TUFT1: variants seen among roughly 807,000 people sequenced by gnomAD.
TUFT1 encodes the protein tuftelin 1.
In TUFT1, 43 loss-of-function variants were observed where a neutral mutation model predicts 57.8. The observed-to-expected ratio is 0.74, with a 90% CI of 0.58 to 0.96. TUFT1 has a LOEUF of 0.96. Among genes scored for constraint, TUFT1 ranks in the 40% least tolerant of loss-of-function variants. TUFT1 has a pLI of 0.00. For missense variants in TUFT1, 459 were observed against 489.0 expected (o/e 0.94, Z 0.58); for synonymous variants, 166 against 176.7 (o/e 0.94, Z 0.48).
intron 1 of TUFT1, chr1:151,561,467 G>GCACACACACACACACACACACACACA (rs1491439976): frequency 6.0e-6 from 1 of 165,642 alleles, no homozygotes; most frequent in Non-Finnish European, 9.1e-6. Context: ...TCATGCGCGC[G>GCACACACACACACACACACACACACA]CGCGCGCACA....
intron 9 of TUFT1, among the ~76,000 whole-genome samples, chr1:151,577,349 A>G (rs1229209642): frequency 6.6e-6 from 1 of 152,116 alleles, no homozygotes; most frequent in African/African-American, 2.4e-5. Context: ...CAACCCTTTA[A>G]TCATGCCTTG....
At position 151,569,711 on chromosome 1, in the gene TUFT1, T is replaced by G; in HGVS notation, c.535T>G (p.Leu179Val). 3 of 1,614,090 alleles carry G rather than the reference T, an allele frequency of 1.9e-6. No homozygotes were observed. The highest frequency in any genetic ancestry group is 2.5e-6 in the Non-Finnish European group (3 of 1,179,974). Residue 179 changes from leucine (L) to valine (V), a missense_variant, in exon 7 of 13, where the codon TTG becomes GTG. Leu to Val is a conservative substitution (Grantham distance 32). Coordinates refer to ENST00000368849, the MANE Select transcript of TUFT1 (RefSeq NM_020127.3). ...GAGCTTGAGGAAGACGGTGCAGGAC[T>G]TGCTGGCCAAGCTTCAGGAGGCCAA... ...VESLRKTVQD[L>V]LAKLQEAKRQ... is the part of the protein sequence containing the mutation.
intron 6 of TUFT1, among the ~76,000 whole-genome samples, chr1:151,569,085 GAGACACCTTTTTCCACATCGAATC>G (rs1666167727): frequency 6.6e-6 from 1 of 152,214 alleles, no homozygotes; most frequent in Admixed American, 6.5e-5. Context: ...TTACCTCGAT[GAGACACCTTTTTCCACATCGAATC>G]AGATTCGTGG....
intron 1 of TUFT1, among the ~76,000 whole-genome samples, chr1:151,560,956 T>TTGTG (rs68056033): frequency 0.018 from 2,372 of 132,444 alleles, 42 homozygotes; most frequent in African/African-American, 0.045. Flanking sequence ...CTGCAAAGTA[T>TTGTG]TGTGTGTGTG....
chr1:151,557,816 TA>T, intron 1 of TUFT1: 1 of 755,248 alleles, frequency 1.3e-6, no homozygotes. Flanking sequence ...CGGACAGAGA[TA>T]ACCTACAGAC....
intron 1 of TUFT1, among the ~76,000 whole-genome samples, chr1:151,561,111 A>C (rs1340924608): frequency 6.6e-6 from 1 of 151,704 alleles, no homozygotes; most frequent in Non-Finnish European, 1.5e-5. Flanking sequence ...CTGCTGCCTC[A>C]GCCTCCCGAG....
intron 9 of TUFT1, 95 bp downstream of exon 9, chr1:151,575,100 G>C (rs1325757699): frequency 9.0e-7 from 1 of 1,106,970 alleles, no homozygotes; most frequent in African/African-American, 1.6e-5. Context: ...CTGGTCTGGG[G>C]AGGAAGCTGG....
At chr1:151,564,385 TC>T in intron 4 of TUFT1, 139 bp from the exon 5 acceptor site, 1 of 636,730 alleles carries the variant, frequency 1.6e-6, no homozygotes, top group Non-Finnish European at 2.8e-6. Context: ...TTGACCAAGG[TC>T]CCTCCCTCCA....
At chr1:151,573,869 G>C (rs1263586819) in intron 7 of TUFT1, among the ~76,000 whole-genome samples, 3 of 152,216 alleles carry the variant, frequency 2.0e-5, no homozygotes, top group South Asian at 4.1e-4. Context: ...AGGTGTTGAG[G>C]AGACAGAAGA....
chr1:151,575,123 A>G, intron 9 of TUFT1, 118 bp downstream of exon 9: 1 of 894,690 alleles, frequency 1.1e-6, no homozygotes. Context: ...CTGATGTCAG[A>G]TCTTCCAGCT....
chr1:151,562,082 C>A lies in TUFT1; in HGVS notation c.61-9C>A, dbSNP rs996262578. 1.2e-6 allele frequency: 2 copies of A among 1,613,628 alleles called. No individual in the cohort carries two copies. The highest frequency in any genetic ancestry group is 1.7e-6 in the Non-Finnish European group (2 of 1,179,692). ...GAGGGGTTATTGTTGCTGTCATTGT[C>A]ATTATTAGGGCAGCGTGGACATTCT... On this transcript the variant is annotated splice_polypyrimidine_tract_variant and intron_variant, in intron 1 of 12. Transcript: ENST00000368849.
At chr1:151,542,238 T>C (rs1234929850) in intron 1 of TUFT1, among the ~76,000 whole-genome samples, 1 of 152,100 alleles carries the variant, frequency 6.6e-6, no homozygotes, top group Non-Finnish European at 1.5e-5. Context: ...TCTCTTTTTT[T>C]GAGACAGGGC....
At chr1:151,552,430 G>A (rs1197030739) in intron 1 of TUFT1, among the ~76,000 whole-genome samples, 8 of 152,148 alleles carry the variant, frequency 5.3e-5, no homozygotes, top group South Asian at 2.1e-4. Flanking sequence ...AGGCCCGGGC[G>A]CGGTGGCTCA....
intron 5 of TUFT1, among the ~76,000 whole-genome samples, chr1:151,565,651 A>G (rs1666046902): frequency 1.3e-5 from 2 of 152,220 alleles, no homozygotes; most frequent in South Asian, 4.1e-4. Flanking sequence ...CTGTCATATG[A>G]TGAATAATCA....
At chr1:151,567,325 T>C (rs548905182) in intron 6 of TUFT1, among the ~76,000 whole-genome samples, 1 of 152,154 alleles carries the variant, frequency 6.6e-6, no homozygotes, top group Non-Finnish European at 1.5e-5. Flanking sequence ...GTAGTCCTCC[T>C]GCCTCAGCCT....
Position 151,569,661 on chromosome 1 carries a change from A to G in TUFT1, c.485A>G (p.Asp162Gly), listed in dbSNP as rs745772970. The G allele has an allele frequency of 4.3e-6, 7 of 1,613,438 alleles. No individual in the cohort carries two copies. The South Asian group carries it at 5.5e-5, about 13-fold the overall frequency. The change falls in exon 7 of 13, where the codon GAC (aspartate) becomes GGC (glycine). Residue 162 changes from aspartate to glycine, a missense_variant. Coordinates refer to ENST00000368849, the MANE Select transcript of TUFT1 (RefSeq NM_020127.3). ...TALYSSPPEVDTCINEDVESL... is the reference protein window; with the variant it reads ...TALYSSPPEVGTCINEDVESL... Reference sequence around the variant, plus strand: ...CCTTCCTTGTTCTGGCTGTAGGTGGACACCTGTATAAATGAGGATGTTGAG... The same window carrying G: ...CCTTCCTTGTTCTGGCTGTAGGTGGGCACCTGTATAAATGAGGATGTTGAG...
intron 5 of TUFT1, 200 bp from the exon 6 acceptor site, chr1:151,565,963 G>A (rs555615236): frequency 4.4e-5 from 20 of 449,948 alleles, no homozygotes; most frequent in South Asian, 2.6e-4. Flanking sequence ...CTTTCGCTTC[G>A]TTCCTTCTTC....
At position 151,557,926 on chromosome 1, in the gene TUFT1, C is replaced by G. The variant is rs149436043; in HGVS notation, c.61-4165C>G. 3 of 673,876 alleles carry G rather than the reference C, an allele frequency of 4.5e-6. No homozygotes were observed. In the African/African-American group the frequency reaches 5.3e-5, roughly 12 times the overall value. The allele number at this position is 673,876 out of a possible 1,614,324, so 41.7% of individuals were successfully genotyped here. A position where few individuals can be genotyped will look rare whatever the true frequency, so the allele number is the denominator to read the frequency against. ...AGGTGGATTTGGTTGAGGATGTGGT[C>G]AGCCACCTCAGTAAAATTGGAGAGG... On this transcript the variant is annotated intron_variant, in intron 1 of 12. Transcript: ENST00000368849.
intron 6 of TUFT1, among the ~76,000 whole-genome samples, chr1:151,567,591 G>A (rs1666124285): frequency 6.6e-6 from 1 of 152,048 alleles, no homozygotes; most frequent in South Asian, 2.1e-4. Context: ...TGTCACCCAG[G>A]GTACAGTGCA....
Sources: allele counts gnomAD v4.1 joint callset (sites outside exome capture counted in the v4.1 genomes callset), GRCh38; gene constraint gnomAD v4.1.1; transcripts MANE v1.5; gene names NCBI Gene and HGNC (gene_info 2026-07-23, HGNC 2026-07-21).